Variants in ABRA observed in about 807,000 individuals in gnomAD.
The protein encoded by ABRA is actin binding Rho activating protein.
In ABRA, 25 loss-of-function variants were observed where a neutral mutation model predicts 33.4. The ratio of observed to expected loss-of-function variants is 0.75; its 90% CI spans 0.55 to 1.04. ABRA has a LOEUF of 1.04. Ranked by LOEUF, ABRA falls within the 50% of genes least tolerant of loss-of-function variation. ABRA has a pLI of 0.00. For missense variants in ABRA, 501 were observed against 491.7 expected (o/e 1.02, Z -0.18); for synonymous variants, 193 against 176.8 (o/e 1.09, Z -0.73).
rs113347680 is a variant in ABRA at position 106,761,347 on chromosome 8, A to G, written c.836T>C (p.Leu279Pro). 1.4e-5 allele frequency: 23 copies of G among 1,614,178 alleles called. No individual in the cohort carries two copies. In the African/African-American group the frequency reaches 2.0e-4, roughly 14 times the overall value. Reference protein sequence around the residue: ...FDYELAMSTRLHKGDEGYGRP... With the variant: ...FDYELAMSTRPHKGDEGYGRP... ...GCCATAGCCCTCATCTCCTTTGTGTAGGCGGGTGGACATGGCCAGCTCGTA... is the reference window on the plus strand; with the variant it reads ...GCCATAGCCCTCATCTCCTTTGTGTGGGCGGGTGGACATGGCCAGCTCGTA... The change falls in exon 2 of 2, where the codon CTA (leucine) becomes CCA (proline). Residue 279 changes from leucine (L) to proline (P), a missense_variant. Coordinates refer to ENST00000311955, the MANE Select transcript of ABRA (RefSeq NM_139166.5).
chr8:106,769,205 A>C (rs977470267), intron 1 of ABRA, among the ~76,000 whole-genome samples: 6 of 152,246 alleles, frequency 3.9e-5, no homozygotes, highest in Admixed American at 1.3e-4. Flanking sequence ...CTCATTATAG[A>C]ACTGACTTAA....
intron 1 of ABRA, among the ~76,000 whole-genome samples, chr8:106,765,775 G>A (rs1836211207): frequency 1.3e-5 from 2 of 152,172 alleles, no homozygotes; most frequent in Admixed American, 1.3e-4. Context: ...ATTGGGCACA[G>A]GCAGAAGGAC....
At chr8:106,767,434 T>C (rs1836239569) in intron 1 of ABRA, among the ~76,000 whole-genome samples, 1 of 152,200 alleles carries the variant, frequency 6.6e-6, no homozygotes, top group Non-Finnish European at 1.5e-5. Context: ...GATAGCATAG[T>C]TACTTCTGAT....
rs1225998340 is a variant in ABRA at position 106,759,486 on chromosome 8, A to G, written c.*1551T>C. ...CTATAAAAACAAGAACAGAAAATAC[A>G]AGAAAACATCTTTTATTCTTATGCT... On this transcript the variant is annotated 3_prime_UTR_variant, in exon 2 of 2. Transcript: ENST00000311955. 6.6e-6 allele frequency: 1 copy of G among 152,224 alleles called. No homozygotes were observed. The highest frequency in any genetic ancestry group is 1.5e-5 in the Non-Finnish European group (1 of 68,040). The allele number at this position is 152,224 out of a possible 1,614,324, so 9.4% of individuals were successfully genotyped here. A position where few individuals can be genotyped will look rare whatever the true frequency, so the allele number is the denominator to read the frequency against.
chr8:106,768,182 C>A (rs1810534915), intron 1 of ABRA, among the ~76,000 whole-genome samples: 1 of 151,008 alleles, frequency 6.6e-6, no homozygotes, highest in African/African-American at 2.4e-5. Context: ...ACTTGAAAAA[C>A]ACACTTGCAC....
In ABRA at chr8:106,759,957, C is replaced by T. The variant is rs1836112511; in HGVS notation, c.*1080G>A. ...TAATATTGCAGTTTTATGACTTAAA[C>T]ATTTCATAAAGTTTTCTTTGTTACA... On this transcript the variant is annotated 3_prime_UTR_variant, in exon 2 of 2. Transcript: ENST00000311955. The T allele has an allele frequency of 6.6e-6, 1 of 152,180 alleles. No homozygotes were observed. 9.4% of individuals were successfully genotyped at this position (152,180 alleles called of 1,614,324 possible). A position where few individuals can be genotyped will look rare whatever the true frequency, so the allele number is the denominator to read the frequency against.
chr8:106,762,745 G>A (rs1490296185), intron 1 of ABRA, among the ~76,000 whole-genome samples: 1 of 152,144 alleles, frequency 6.6e-6, no homozygotes, highest in African/African-American at 2.4e-5. Flanking sequence ...GATAGGTGCA[G>A]CAAGCCACCA....
At chr8:106,763,539 A>G (rs1018215931) in intron 1 of ABRA, among the ~76,000 whole-genome samples, 8 of 152,180 alleles carry the variant, frequency 5.3e-5, no homozygotes, top group African/African-American at 1.9e-4. Context: ...CTGCCTCTCC[A>G]TCGACTTTTC....
At position 106,769,733 on chromosome 8, in the gene ABRA, C is replaced by T. The variant is rs996927258; in HGVS notation, c.458G>A (p.Ser153Asn). 10 of 1,614,060 alleles carry T rather than the reference C, an allele frequency of 6.2e-6. No individual in the cohort carries two copies. The highest frequency in any genetic ancestry group is 7.6e-6 in the Non-Finnish European group (9 of 1,179,952). Residue 153 changes from serine (S) to asparagine (N), a missense_variant, in exon 1 of 2, where the codon AGC (serine) becomes AAC (asparagine). Transcript: ENST00000311955. ...PENDIDRILH[S>N]HGSPTRRRKC... Reference sequence around the variant, plus strand: ...TCTCCTCCGCGTTGGGGAGCCGTGGCTGTGGAGGATTCTGTCAATGTCATT... The same window carrying T: ...TCTCCTCCGCGTTGGGGAGCCGTGGTTGTGGAGGATTCTGTCAATGTCATT...
chr8:106,769,581 G>A lies in ABRA; in HGVS notation c.610C>T (p.Pro204Ser). The A allele has an allele frequency of 6.2e-7, 1 of 1,614,118 alleles. No homozygotes were observed. Among genetic ancestry groups the A allele is most frequent in the South Asian group, 1.1e-5 (1 of 91,088 alleles). The change falls in exon 1 of 2, where the codon CCC (proline) becomes TCC (serine). Residue 204 changes from proline (P) to serine (S), a missense_variant. Coordinates refer to ENST00000311955, the MANE Select transcript of ABRA (RefSeq NM_139166.5). ...SGYGGEAEER[P>S]EQDGVQVAVV... ...GCCACCTGCACTCCATCCTGCTCGG[G>A]CCTCTCCTCAGCCTCTCCTCCATAG...
intron 1 of ABRA, among the ~76,000 whole-genome samples, chr8:106,768,146 T>A (rs996037074): frequency 6.6e-6 from 1 of 152,148 alleles, no homozygotes; most frequent in Non-Finnish European, 1.5e-5. Context: ...ACAATTTTTT[T>A]CTTTATTTTC....
In ABRA at chr8:106,769,551, C is replaced by T; in HGVS notation, c.640G>A (p.Val214Ile). 6.2e-7 allele frequency: 1 copy of T among 1,613,924 alleles called. No individual in the cohort carries two copies. Among genetic ancestry groups the T allele is most frequent in the Non-Finnish European group, 8.5e-7 (1 of 1,179,906 alleles). Residue 214 changes from valine (V) to isoleucine (I), a missense_variant, in exon 1 of 2, where the codon GTC becomes ATC. Physicochemically the swap from Val to Ile is conservative, Grantham distance 29 (BLOSUM62 3). Transcript: ENST00000311955. ...PEQDGVQVAV[V>I]RIKRPLPSQV... Reference sequence around the variant, plus strand: ...GAGGGCAAGGGGCGCTTGATCCTGACCACAGCCACCTGCACTCCATCCTGC... The same window carrying T: ...GAGGGCAAGGGGCGCTTGATCCTGATCACAGCCACCTGCACTCCATCCTGC...
In ABRA at chr8:106,769,308, A is replaced by G. The variant is rs118017635; in HGVS notation, c.668+215T>C. On this transcript the variant is annotated intron_variant, in intron 1 of 1. Coordinates refer to ENST00000311955, the MANE Select transcript of ABRA (RefSeq NM_139166.5). ...TCAGTTCAAAACAAAAACGAGAAAC[A>G]AAATAGCGCAGGCCCTGACCAAAAG... 1.4e-3 allele frequency among the ~76,000 whole-genome samples: 206 copies of G among 152,306 alleles called. 5 individuals carry two copies. In the East Asian group the frequency reaches 0.037, roughly 28 times the overall value.
At chr8:106,764,330 G>A (rs943465868) in intron 1 of ABRA, among the ~76,000 whole-genome samples, 3 of 152,170 alleles carry the variant, frequency 2.0e-5, no homozygotes, top group African/African-American at 7.2e-5. Flanking sequence ...TGGGATAACA[G>A]TTGGGATTGG....
In ABRA at chr8:106,769,711, C is replaced by T. The variant is rs144790337; in HGVS notation, c.480G>A (p.Arg160=). ...CAGACACCAGGTTGGCACATTTTCT[C>T]CTCCGCGTTGGGGAGCCGTGGCTGT... is the stretch of plus-strand genomic sequence containing the variant. ...ILHSHGSPTR[R]RKCANLVSEL... is the part of the protein sequence containing the mutation. Residue 160 remains arginine, a synonymous_variant, in exon 1 of 2, where the codon AGG becomes AGA. Coordinates refer to ENST00000311955, the MANE Select transcript of ABRA (RefSeq NM_139166.5). 102 of 1,614,196 alleles carry T rather than the reference C, an allele frequency of 6.3e-5. No individual in the cohort carries two copies. The highest frequency in any genetic ancestry group is 9.3e-5 in the African/African-American group (7 of 75,052).
chr8:106,762,537 G>A (rs1168090513), intron 1 of ABRA, among the ~76,000 whole-genome samples: 1 of 152,136 alleles, frequency 6.6e-6, no homozygotes, highest in African/African-American at 2.4e-5. Context: ...CCTAATATTA[G>A]GATGGGGCAG....
At chr8:106,762,809 C>T (rs1836156884) in intron 1 of ABRA, among the ~76,000 whole-genome samples, 1 of 152,152 alleles carries the variant, frequency 6.6e-6, no homozygotes, top group African/African-American at 2.4e-5. Flanking sequence ...GCACGTGTAT[C>T]CCAGAACTCA....
Position 106,769,651 on chromosome 8 carries a change from C to T in ABRA, c.540G>A (p.Glu180=), listed in dbSNP as rs1457314787. 3 of 1,614,182 alleles carry T rather than the reference C, an allele frequency of 1.9e-6. No homozygotes were observed. The highest frequency in any genetic ancestry group is 1.7e-5 in the Admixed American group (1 of 60,016). Residue 180 remains glutamate, a synonymous_variant, in exon 1 of 2, where the codon GAG becomes GAA. Transcript: ENST00000311955. The part of the protein sequence containing the change: ...LTKGWRVMEQ[E]EPTWRSDSVD... Reference sequence around the variant, plus strand: ...CGCTGTCACTCCTCCATGTGGGCTCCTCCTGCTCCATCACTCTCCAGCCCT... The same window carrying T: ...CGCTGTCACTCCTCCATGTGGGCTCTTCCTGCTCCATCACTCTCCAGCCCT...
At chr8:106,766,295 A>G (rs1272873331) in intron 1 of ABRA, among the ~76,000 whole-genome samples, 2 of 152,206 alleles carry the variant, frequency 1.3e-5, no homozygotes, top group Non-Finnish European at 2.9e-5. Context: ...CACTGTTGGT[A>G]AAGAATTTAT....
Sources: allele counts gnomAD v4.1 joint callset (sites outside exome capture counted in the v4.1 genomes callset), GRCh38; gene constraint gnomAD v4.1.1; transcripts MANE v1.5; gene names NCBI Gene and HGNC (gene_info 2026-07-23, HGNC 2026-07-21).